The following SYT1 variants were observed in gnomAD, a reference collection of about 807,000 sequenced individuals.
SYT1 encodes the protein synaptotagmin 1, also known as synaptotagmin-1.
Under a neutral mutation model 44.8 loss-of-function variants are expected in SYT1, and 8 were observed. The observed-to-expected ratio is 0.18, with a 90% CI of 0.10 to 0.32. The LOEUF is 0.32. Ranked by LOEUF, SYT1 falls within the 10% of genes least tolerant of loss-of-function variation. The probability of loss-of-function intolerance (pLI) is 1.00; values close to 1 mark genes in which losing one functional copy is unlikely to be tolerated. For missense variants in SYT1, 286 were observed against 509.3 expected (o/e 0.56, Z 4.22); for synonymous variants, 154 against 188.8 (o/e 0.82, Z 1.51).
intron 4 of SYT1, among the ~76,000 whole-genome samples, chr12:79,250,880 T>C (rs548933181): frequency 1.3e-5 from 2 of 152,322 alleles, no homozygotes; most frequent in South Asian, 4.1e-4. Context: ...CTTCAGGTTT[T>C]AACATCTCTC....
chr12:79,000,288 C>CTT (rs559894598), intron 2 of SYT1, among the ~76,000 whole-genome samples: 3,093 of 112,616 alleles, frequency 0.027, 42 homozygotes, highest in African/African-American at 0.057. Flanking sequence ...TTAACTGCTT[C>CTT]TTTTTTTTTT....
At chr12:79,414,307 T>A (rs1868603236) in intron 9 of SYT1, among the ~76,000 whole-genome samples, 1 of 152,010 alleles carries the variant, frequency 6.6e-6, no homozygotes, top group Admixed American at 6.6e-5. Context: ...GAAGCCGGAG[T>A]ATGGGTGTGT....
chr12:79,127,222 G>A (rs1868496492), intron 3 of SYT1, among the ~76,000 whole-genome samples: 1 of 152,220 alleles, frequency 6.6e-6, no homozygotes, highest in African/African-American at 2.4e-5. Context: ...CCTCCCAGAG[G>A]CATAAACAAG....
intron 1 of SYT1, among the ~76,000 whole-genome samples, chr12:78,954,266 T>C (rs1049298715): frequency 6.6e-6 from 1 of 152,128 alleles, no homozygotes; most frequent in Non-Finnish European, 1.5e-5. Context: ...AGAAGTCACC[T>C]TGACCATGAA....
chr12:79,041,117 G>C (rs1873532965), intron 2 of SYT1, among the ~76,000 whole-genome samples: 1 of 151,758 alleles, frequency 6.6e-6, no homozygotes, highest in Non-Finnish European at 1.5e-5. Context: ...GCTCTTTTTT[G>C]GTTCCATATG....
intron 2 of SYT1, among the ~76,000 whole-genome samples, chr12:78,997,573 G>A (rs1823685951): frequency 6.6e-6 from 1 of 152,018 alleles, no homozygotes; most frequent in Admixed American, 6.6e-5. Flanking sequence ...ACTTGAGGAG[G>A]AGCATGCACT....
At chr12:78,867,898 G>A (rs1332443041) in intron 1 of SYT1, among the ~76,000 whole-genome samples, 1 of 151,906 alleles carries the variant, frequency 6.6e-6, no homozygotes, top group Non-Finnish European at 1.5e-5. Context: ...TGCAAGATGA[G>A]CTGGAAGATT....
intron 3 of SYT1, among the ~76,000 whole-genome samples, chr12:79,089,503 A>G (rs2137993406): frequency 6.6e-6 from 1 of 150,526 alleles, no homozygotes; most frequent in South Asian, 2.1e-4. Flanking sequence ...AACTGAAAAA[A>G]AAAAAAAGAA....
At chr12:78,992,106 T>G (rs1002426462) in intron 2 of SYT1, among the ~76,000 whole-genome samples, 1 of 152,148 alleles carries the variant, frequency 6.6e-6, no homozygotes, top group Non-Finnish European at 1.5e-5. Context: ...AAAGGAACAG[T>G]GCCTTCTTTA....
chr12:79,124,916 A>G (rs1363656934), intron 3 of SYT1, among the ~76,000 whole-genome samples: 1 of 152,142 alleles, frequency 6.6e-6, no homozygotes, highest in African/African-American at 2.4e-5. Flanking sequence ...AATGAAGGGG[A>G]AAAAAGACTG....
intron 3 of SYT1, among the ~76,000 whole-genome samples, chr12:79,068,780 G>A (rs989442508): frequency 6.6e-6 from 1 of 152,096 alleles, no homozygotes; most frequent in African/African-American, 2.4e-5. Flanking sequence ...TTGGGAGGCC[G>A]AGCCAGGAGA....
At chr12:78,965,805 G>A (rs1313934569) in intron 1 of SYT1, among the ~76,000 whole-genome samples, 1 of 152,058 alleles carries the variant, frequency 6.6e-6, no homozygotes, top group Non-Finnish European at 1.5e-5. Context: ...TAGGCTTGGT[G>A]CAGTGGCTCA....
In SYT1 at chr12:79,039,616, T is replaced by A. The variant is rs542608013; in HGVS notation, c.-83-7681T>A. On this transcript the variant is annotated intron_variant, in intron 2 of 10. Coordinates refer to ENST00000261205, the MANE Select transcript of SYT1 (RefSeq NM_005639.3). ...TTATTTTTTTATTTTTTATTTATTT[T>A]TATTTTTTTATTTTTTTTATTATAC... Among the ~76,000 whole-genome samples, 620 of 148,726 alleles carry A rather than the reference T, an allele frequency of 4.2e-3. 4 individuals carry two copies. The highest frequency in any genetic ancestry group is 0.013 in the African/African-American group (536 of 41,036).
intron 1 of SYT1, among the ~76,000 whole-genome samples, chr12:78,897,123 T>G (rs2137087172): frequency 6.6e-6 from 1 of 151,946 alleles, no homozygotes; most frequent in Non-Finnish European, 1.5e-5. Context: ...GACTACAAAA[T>G]AGCAAACCTG....
chr12:78,865,712 C>T (rs1439533389), intron 1 of SYT1, among the ~76,000 whole-genome samples: 2 of 152,250 alleles, frequency 1.3e-5, no homozygotes, highest in African/African-American at 4.8e-5. Flanking sequence ...TTGATTTCCT[C>T]CTTGCAAGAG....
chr12:79,039,698 T>G (rs1231100231), intron 2 of SYT1, among the ~76,000 whole-genome samples: 1 of 151,124 alleles, frequency 6.6e-6, no homozygotes, highest in Non-Finnish European at 1.5e-5. Context: ...TGTATACATG[T>G]GCCATGCTGG....
At chr12:79,098,319 T>A (rs746013478) in intron 3 of SYT1, among the ~76,000 whole-genome samples, 8 of 152,040 alleles carry the variant, frequency 5.3e-5, no homozygotes, top group Non-Finnish European at 1.2e-4. Context: ...ACCTTGAACC[T>A]CTTTATTCCA....
At chr12:79,397,050 C>CT (rs1389782948) in intron 9 of SYT1, among the ~76,000 whole-genome samples, 2 of 152,044 alleles carry the variant, frequency 1.3e-5, no homozygotes, top group African/African-American at 4.8e-5. Flanking sequence ...TGGGAAGAAA[C>CT]TTTATATATG....
At chr12:79,251,636 A>G (rs1358342136) in intron 4 of SYT1, among the ~76,000 whole-genome samples, 2 of 152,208 alleles carry the variant, frequency 1.3e-5, no homozygotes, top group East Asian at 1.9e-4. Context: ...ATAGAAGTTC[A>G]GCACTCACCA....
Sources: gnomAD v4.1 joint callset for allele counts (sites outside exome capture counted in the v4.1 genomes callset) on GRCh38, gnomAD v4.1.1 for gene constraint, MANE v1.5 for transcripts, NCBI Gene and HGNC (gene_info 2026-07-23, HGNC 2026-07-21) for gene names.